RO60: variants seen among roughly 807,000 people sequenced by gnomAD.
RO60 encodes Ro60, Y RNA binding protein.
A neutral mutation model predicts 55.3 loss-of-function variants in RO60; 20 were observed. The ratio of observed to expected loss-of-function variants is 0.36; its 90% CI spans 0.25 to 0.53. The LOEUF (loss-of-function observed/expected upper bound fraction) is 0.53. Ranked by LOEUF, RO60 falls within the 20% of genes least tolerant of loss-of-function variation. RO60 has a pLI of 0.92. For synonymous variants in RO60, 213 were observed against 213.6 expected (o/e 1.00, Z 0.02); for missense variants, 558 against 646.6 (o/e 0.86, Z 1.49).
intron 8 of RO60, among the ~76,000 whole-genome samples, chr1:193,083,034 G>T (rs1674424409): frequency 6.6e-6 from 1 of 152,092 alleles, no homozygotes; most frequent in Non-Finnish European, 1.5e-5. Flanking sequence ...TGGGATTACA[G>T]CCACCACACC....
chr1:193,076,583 A>G lies in RO60; in HGVS notation c.884A>G (p.Glu295Gly). The G allele has an allele frequency of 6.2e-7, 1 of 1,611,434 alleles. No individual in the cohort carries two copies. Among genetic ancestry groups the G allele is most frequent in the Non-Finnish European group, 8.5e-7 (1 of 1,179,038 alleles). Residue 295 changes from glutamate to glycine, a missense_variant, in exon 4 of 9, where the codon GAA (glutamate) becomes GGA (glycine). Transcript: ENST00000400968. ...LGKMTANSVL[E>G]PGNSEVSLVC... ...AAGATGACTGCTAATTCAGTACTTG[A>G]ACCAGGAAATTCAGAAGTATCTTTA...
chr1:193,080,763 C>CT (rs1674251823), intron 5 of RO60, among the ~76,000 whole-genome samples: 1 of 152,070 alleles, frequency 6.6e-6, no homozygotes, highest in Non-Finnish European at 1.5e-5. Context: ...GCCAGACAAA[C>CT]AAGGACAAGT....
At position 193,088,887 on chromosome 1, in the gene RO60, A is replaced by T. The variant is rs956551377; in HGVS notation, c.*4156A>T. The T allele has an allele frequency of 6.6e-6, 1 of 152,028 alleles. No homozygotes were observed. The highest frequency in any genetic ancestry group is 2.4e-5 in the African/African-American group (1 of 41,406). The allele number at this position is 152,028 out of a possible 1,614,324, so 9.4% of individuals were successfully genotyped here. A position where few individuals can be genotyped will look rare whatever the true frequency, so the allele number is the denominator to read the frequency against. ...TTCTACCTCTTTTTTTTCTTTTAAA[A>T]TTCCTTTCTTACATTTCTGTTGTTT... On this transcript the variant is annotated 3_prime_UTR_variant, in exon 9 of 9. Transcript: ENST00000400968.
At position 193,085,417 on chromosome 1, in the gene RO60, T is replaced by G; in HGVS notation, c.*686T>G. 2.0e-6 allele frequency: 2 copies of G among 986,900 alleles called. No individual in the cohort carries two copies. Among genetic ancestry groups the G allele is most frequent in the Non-Finnish European group, 2.4e-6 (2 of 831,094 alleles). 61.1% of individuals were successfully genotyped at this position (986,900 alleles called of 1,614,324 possible). On this transcript the variant is annotated 3_prime_UTR_variant, in exon 9 of 9. Coordinates refer to ENST00000400968, the MANE Select transcript of RO60 (RefSeq NM_001173524.2). ...AACCCCTAAGAATAGACTAAGTTTG[T>G]GTTGGCTGAGGGATTCTATTTGGTT...
At position 193,088,382 on chromosome 1, in the gene RO60, G is replaced by A. The variant is rs377633805; in HGVS notation, c.*3651G>A. The A allele has an allele frequency of 2.5e-5, 2 of 81,292 alleles. No homozygotes were observed. The highest frequency in any genetic ancestry group is 6.2e-5 in the Non-Finnish European group (2 of 32,120). 5.0% of individuals were successfully genotyped at this position (81,292 alleles called of 1,614,324 possible). A position where few individuals can be genotyped will look rare whatever the true frequency, so the allele number is the denominator to read the frequency against. ...ATAGTAAAGTACTATTTTCATCAGG[G>A]ATTTTTTTTTTCTTATTTTCTAGAT... is the stretch of plus-strand genomic sequence containing the variant. On this transcript the variant is annotated 3_prime_UTR_variant, in exon 9 of 9. Transcript: ENST00000400968.
In RO60 at chr1:193,074,666, T is replaced by A. The variant is rs529638733; in HGVS notation, c.581-1154T>A. ...TCAGATGAGTAGATTGCAAAAATTT[T>A]CTCCCATTCTGTAGGTTGCCTGTTC... On this transcript the variant is annotated intron_variant, in intron 2 of 8. Transcript: ENST00000400968. Among the ~76,000 whole-genome samples the A allele has an allele frequency of 3.3e-5, 5 of 152,360 alleles. No homozygotes were observed. In the East Asian group the frequency reaches 9.6e-4, roughly 29 times the overall value.
intron 7 of RO60, 56 bp downstream of exon 7, chr1:193,082,355 G>A: frequency 7.1e-7 from 1 of 1,413,494 alleles, no homozygotes; most frequent in Non-Finnish European, 9.8e-7. Flanking sequence ...CGTGTAGAAT[G>A]ATTTTATATT....
At chr1:193,076,363 C>A in intron 3 of RO60, 138 bp from the exon 4 acceptor site, 1 of 863,310 alleles carries the variant, frequency 1.2e-6, no homozygotes. Context: ...TTTACTTAGA[C>A]ATTTTTCATT....
At chr1:193,078,399 G>A (rs1021918292) in intron 5 of RO60, among the ~76,000 whole-genome samples, 3 of 152,138 alleles carry the variant, frequency 2.0e-5, no homozygotes, top group Admixed American at 6.5e-5. Flanking sequence ...ACATAGTATT[G>A]GAAGTTGTAG....
chr1:193,082,581 A>T lies in RO60; in HGVS notation c.1337A>T (p.Asp446Val). 6.2e-7 allele frequency: 1 copy of T among 1,613,816 alleles called. No homozygotes were observed. Among genetic ancestry groups the T allele is most frequent in the Non-Finnish European group, 8.5e-7 (1 of 1,179,908 alleles). ...AMSQIPAGGT[D>V]CSLPMIWAQK... ...AATTAGATCCCAGCAGGTGGAACTG[A>T]TTGCTCTCTTCCAATGATCTGGGCT... is the stretch of plus-strand genomic sequence containing the variant. The change falls in exon 8 of 9, where the codon GAT becomes GTT. Residue 446 changes from aspartate (D) to valine (V), a missense_variant. By Grantham distance (152) the Asp-to-Val change is radical. Coordinates refer to ENST00000400968, the MANE Select transcript of RO60 (RefSeq NM_001173524.2).
chr1:193,074,973 C>A (rs929165642), intron 2 of RO60, among the ~76,000 whole-genome samples: 2 of 152,072 alleles, frequency 1.3e-5, no homozygotes, highest in African/African-American at 4.8e-5. Flanking sequence ...GTTGGGCACA[C>A]TGTTCTCAAA....
intron 1 of RO60, among the ~76,000 whole-genome samples, chr1:193,067,909 T>G (rs184135852): frequency 1.3e-3 from 200 of 152,298 alleles, no homozygotes; most frequent in Admixed American, 2.2e-3. Context: ...TAACCCGATA[T>G]CAAGGACCCA....
intron 5 of RO60, among the ~76,000 whole-genome samples, chr1:193,080,761 A>ATTAT (rs1674251421): frequency 6.6e-6 from 1 of 152,214 alleles, no homozygotes; most frequent in Non-Finnish European, 1.5e-5. Flanking sequence ...AAGCCAGACA[A>ATTAT]ACAAGGACAA....
At chr1:193,073,809 C>T (rs919115322) in intron 2 of RO60, among the ~76,000 whole-genome samples, 5 of 152,056 alleles carry the variant, frequency 3.3e-5, no homozygotes, top group Admixed American at 6.6e-5. Flanking sequence ...CATATGTATA[C>T]ATGTGCCATG....
At chr1:193,082,386 T>C in intron 7 of RO60, 87 bp downstream of exon 7, 1 of 1,349,718 alleles carries the variant, frequency 7.4e-7, no homozygotes, top group Non-Finnish European at 1.0e-6. Flanking sequence ...ATGGTATTAA[T>C]CTGTGAGAAC....
At chr1:193,060,769 C>T (rs1672567857) in intron 1 of RO60, among the ~76,000 whole-genome samples, 2 of 152,132 alleles carry the variant, frequency 1.3e-5, no homozygotes. Flanking sequence ...AGTTTATCTC[C>T]GGAAACTCTG....
At chr1:193,082,500 GT>G in intron 7 of RO60, 61 bp from the exon 8 acceptor site, 2 of 1,554,556 alleles carry the variant, frequency 1.3e-6, no homozygotes, top group Non-Finnish European at 1.8e-6. Context: ...AAATGATACT[GT>G]AAAAACTAGT....
At chr1:193,078,983 G>A (rs982298048) in intron 5 of RO60, among the ~76,000 whole-genome samples, 1 of 151,626 alleles carries the variant, frequency 6.6e-6, no homozygotes, top group Admixed American at 6.6e-5. Flanking sequence ...CTACAAAGCT[G>A]CAGTAATCAA....
chr1:193,067,855 C>T (rs1673222506), intron 1 of RO60, among the ~76,000 whole-genome samples: 1 of 152,098 alleles, frequency 6.6e-6, no homozygotes, highest in African/African-American at 2.4e-5. Flanking sequence ...AATAAGGATA[C>T]ATTTATGACA....
Sources: allele counts gnomAD v4.1 joint callset (sites outside exome capture counted in the v4.1 genomes callset), GRCh38; gene constraint gnomAD v4.1.1; transcripts MANE v1.5; gene names NCBI Gene and HGNC (gene_info 2026-07-23, HGNC 2026-07-21).